C9orf153: variants seen among roughly 807,000 people sequenced by gnomAD.
C9orf153 encodes the protein chromosome 9 open reading frame 153, also known as uncharacterized protein C9orf153.
C9orf153 carries 10 observed loss-of-function variants against 9.0 expected under a neutral mutation model. That is an observed-to-expected ratio of 1.11 (90% CI 0.69 to 1.89). The LOEUF is 1.89. Among genes scored for constraint, C9orf153 ranks in the 40% most tolerant of loss-of-function variants. The probability of loss-of-function intolerance (pLI) is 0.00; values close to 1 mark genes in which losing one functional copy is unlikely to be tolerated. For synonymous variants in C9orf153, 35 were observed against 37.3 expected (o/e 0.94, Z 0.23); for missense variants, 108 against 111.0 (o/e 0.97, Z 0.12).
chr9:86,257,546 G>A (rs1462246251), intron 1 of C9orf153, among the ~76,000 whole-genome samples: 1 of 152,146 alleles, frequency 6.6e-6, no homozygotes, highest in Non-Finnish European at 1.5e-5. Flanking sequence ...ATGCCTAATG[G>A]ACTTTCCTGG....
At chr9:86,222,449 G>C (rs967672048) in intron 3 of C9orf153, among the ~76,000 whole-genome samples, 1 of 152,142 alleles carries the variant, frequency 6.6e-6, no homozygotes, top group Non-Finnish European at 1.5e-5. Context: ...CAGATTGTTA[G>C]TGTCATTTCT....
At chr9:86,223,448 AC>A (rs1824248700) in intron 3 of C9orf153, among the ~76,000 whole-genome samples, 1 of 152,154 alleles carries the variant, frequency 6.6e-6, no homozygotes, top group Non-Finnish European at 1.5e-5. Context: ...AGCCTGGGTG[AC>A]AGAGCAAGAC....
At position 86,220,558 on chromosome 9, in the gene C9orf153, TA is replaced by T. The variant is rs1824174776; in HGVS notation, c.*1129del. The T allele has an allele frequency of 6.6e-6, 1 of 152,236 alleles. No individual in the cohort carries two copies. The highest frequency in any genetic ancestry group is 2.4e-5 in the African/African-American group (1 of 41,464). 9.4% of individuals were successfully genotyped at this position (152,236 alleles called of 1,614,324 possible). A position where few individuals can be genotyped will look rare whatever the true frequency, so the allele number is the denominator to read the frequency against. ...ACTATTGTCCTCTGACCTCTATTGT[TA>T]ATGAGCATTCTATTGTCAATTTGTC... On this transcript the variant is annotated 3_prime_UTR_variant, in exon 4 of 4. Coordinates refer to ENST00000339137, the MANE Select transcript of C9orf153 (RefSeq NM_001276366.4).
rs557983394 is a variant in C9orf153, at chr9:86,221,451, A to G, written c.*237T>C. The G allele has an allele frequency of 9.3e-4, 971 of 1,040,984 alleles. 1 individual carries two copies. Among genetic ancestry groups the G allele is most frequent in the Admixed American group, 1.5e-3 (38 of 25,014 alleles). 64.5% of individuals were successfully genotyped at this position (1,040,984 alleles called of 1,614,324 possible). On this transcript the variant is annotated 3_prime_UTR_variant, in exon 4 of 4. Coordinates refer to ENST00000339137, the MANE Select transcript of C9orf153 (RefSeq NM_001276366.4). ...TCTTTACTTTTTGTGTATTAAATCAATGCTCTCAAAAGCAAAAATCTACGT... is the reference window on the plus strand; with the variant it reads ...TCTTTACTTTTTGTGTATTAAATCAGTGCTCTCAAAAGCAAAAATCTACGT...
chr9:86,246,388 C>T (rs920631133), intron 1 of C9orf153, among the ~76,000 whole-genome samples: 8 of 152,104 alleles, frequency 5.3e-5, no homozygotes, highest in African/African-American at 1.9e-4. Flanking sequence ...CATTGTACTA[C>T]AGCTTGGACT....
chr9:86,245,187 A>G (rs1234598662), intron 1 of C9orf153, among the ~76,000 whole-genome samples: 2 of 152,196 alleles, frequency 1.3e-5, no homozygotes, highest in African/African-American at 4.8e-5. Context: ...TCGGCCTCCC[A>G]AAGTGCTGGG....
At chr9:86,221,795 G>C in intron 3 of C9orf153, 62 bp from the exon 4 acceptor site, 1 of 1,165,802 alleles carries the variant, frequency 8.6e-7, no homozygotes, top group South Asian at 1.3e-5. Context: ...TCATTACTCA[G>C]AGATGCTTCA....
chr9:86,250,140 T>A (rs1407369870), intron 1 of C9orf153, among the ~76,000 whole-genome samples: 1 of 152,056 alleles, frequency 6.6e-6, no homozygotes, highest in African/African-American at 2.4e-5. Flanking sequence ...GAGCAGACAA[T>A]GGTTTCTGAC....
intron 1 of C9orf153, among the ~76,000 whole-genome samples, chr9:86,232,902 T>G (rs1824503205): frequency 6.6e-6 from 1 of 151,920 alleles, no homozygotes; most frequent in South Asian, 2.1e-4. Context: ...CCGGCTAATT[T>G]TTTTATTTTT....
rs1824377283 is a variant in C9orf153 at position 86,227,957 on chromosome 9, C to T, written c.140G>A (p.Gly47Asp). Residue 47 changes from glycine (G) to aspartate (D), a missense_variant, in exon 3 of 4, where the codon GGT becomes GAT. Physicochemically the swap from Gly to Asp is moderately conservative, Grantham distance 94. Transcript: ENST00000339137. ...SKKSNLLKMH[G>D]ISLNEAQEVL... ...TTCCTGTGCTTCGTTAAGTGAAATA[C>T]CATGCATTTTTAGAAGATTTGATTT... is the stretch of plus-strand genomic sequence containing the variant. 1.3e-5 allele frequency: 21 copies of T among 1,613,358 alleles called. No homozygotes were observed. Among genetic ancestry groups the T allele is most frequent in the Non-Finnish European group, 1.8e-5 (21 of 1,179,584 alleles).
intron 1 of C9orf153, among the ~76,000 whole-genome samples, chr9:86,236,834 C>A (rs1442700045): frequency 6.6e-6 from 1 of 151,074 alleles, no homozygotes; most frequent in Non-Finnish European, 1.5e-5. Flanking sequence ...GACTAGGTGG[C>A]TCATGCCTGT....
chr9:86,234,920 C>G (rs1824547623), intron 1 of C9orf153, among the ~76,000 whole-genome samples: 1 of 152,152 alleles, frequency 6.6e-6, no homozygotes, highest in Admixed American at 6.5e-5. Flanking sequence ...CTCTGGCATG[C>G]AAGGAGCTTG....
At chr9:86,252,918 T>G (rs1825027728) in intron 1 of C9orf153, among the ~76,000 whole-genome samples, 1 of 152,218 alleles carries the variant, frequency 6.6e-6, no homozygotes, top group Non-Finnish European at 1.5e-5. Context: ...GATAGAGAAC[T>G]GAAATGCTTT....
chr9:86,251,106 T>C (rs1262882073), intron 1 of C9orf153, among the ~76,000 whole-genome samples: 1 of 152,154 alleles, frequency 6.6e-6, no homozygotes, highest in Non-Finnish European at 1.5e-5. Context: ...CTTAGAAAAG[T>C]TTTCTCAAAC....
chr9:86,236,548 CAAAAAAA>C (rs976982879), intron 1 of C9orf153, among the ~76,000 whole-genome samples: 2 of 65,366 alleles, frequency 3.1e-5, no homozygotes, highest in African/African-American at 5.0e-5. Flanking sequence ...GACTCCATCT[CAAAAAAA>C]AAAAAAAAAA....
chr9:86,221,431 A>C lies in C9orf153; in HGVS notation c.*257T>G. The C allele has an allele frequency of 1.3e-6, 1 of 763,034 alleles. No individual in the cohort carries two copies. Among genetic ancestry groups the C allele is most frequent in the Non-Finnish European group, 1.8e-6 (1 of 551,662 alleles). 47.3% of individuals were successfully genotyped at this position (763,034 alleles called of 1,614,324 possible). On this transcript the variant is annotated 3_prime_UTR_variant, in exon 4 of 4. Coordinates refer to ENST00000339137, the MANE Select transcript of C9orf153 (RefSeq NM_001276366.4). ...GTTCTATTGGGTACTTGGCTTCTTT[A>C]CTTTTTGTGTATTAAATCAATGCTC... is the stretch of plus-strand genomic sequence containing the variant.
intron 3 of C9orf153, among the ~76,000 whole-genome samples, chr9:86,222,080 G>T (rs1018713999): frequency 2.0e-5 from 3 of 151,994 alleles, no homozygotes; most frequent in Non-Finnish European, 2.9e-5. Context: ...TAGAGACGGG[G>T]TTTCACCATG....
chr9:86,225,935 T>C (rs766937548), intron 3 of C9orf153, among the ~76,000 whole-genome samples: 2 of 152,222 alleles, frequency 1.3e-5, no homozygotes, highest in Non-Finnish European at 2.9e-5. Context: ...AGGTAATTCA[T>C]GCATTAGGAA....
At chr9:86,245,139 C>G (rs902381887) in intron 1 of C9orf153, among the ~76,000 whole-genome samples, 14 of 152,182 alleles carry the variant, frequency 9.2e-5, no homozygotes, top group Admixed American at 9.2e-4. Flanking sequence ...GTTGGCCAGG[C>G]TGGTCTTGAA....
Sources: gnomAD v4.1 joint callset for allele counts (sites outside exome capture counted in the v4.1 genomes callset) on GRCh38, gnomAD v4.1.1 for gene constraint, MANE v1.5 for transcripts, NCBI Gene and HGNC (gene_info 2026-07-23, HGNC 2026-07-21) for gene names.